The following CCDC144A variants were observed in gnomAD, a reference collection of about 807,000 sequenced individuals.
CCDC144A encodes the protein coiled-coil domain containing 144A, also known as coiled-coil domain-containing protein 144A.
A neutral mutation model predicts 143.8 loss-of-function variants in CCDC144A; 41 were observed. The ratio of observed to expected loss-of-function variants is 0.29; its 90% CI spans 0.22 to 0.37. The LOEUF is 0.37. CCDC144A is among the 10% of genes least tolerant of loss of function. CCDC144A has a pLI of 1.00. For synonymous variants in CCDC144A, 242 were observed against 517.9 expected, an observed-to-expected ratio of 0.47 and a Z score of 7.23; for missense variants, 637 against 1,488.8, an observed-to-expected ratio of 0.43 and a Z score of 9.41.
At chr17:16,679,086 GGC>G in the CCDC144A span, among the ~76,000 whole-genome samples, 1 of 126,782 alleles carries the variant, frequency 7.9e-6, no homozygotes, top group South Asian at 2.9e-4. Flanking sequence ...TTGTAGAGAT[GGC>G]GGGGGGGGGT....
At chr17:16,681,390 A>G in the CCDC144A span, among the ~76,000 whole-genome samples, 4 of 152,128 alleles carry the variant, frequency 2.6e-5, no homozygotes, top group Non-Finnish European at 5.9e-5. Context: ...TCAAAGAAAG[A>G]AAACTATTAA....
rs1916050217 is a variant in CCDC144A, at chr17:16,777,783, C to T, written c.*4150C>T. On this transcript the variant is annotated 3_prime_UTR_variant, in exon 17 of 17. Transcript: ENST00000399273. The stretch of plus-strand genomic sequence containing the variant: ...GTCTGAAAGAGCACAAATAAACAAT[C>T]TAAGGTCACACCTCACAGAATTGGA... 7.1e-6 allele frequency: 1 copy of T among 140,842 alleles called. No homozygotes were observed. The highest frequency in any genetic ancestry group is 1.5e-5 in the Non-Finnish European group (1 of 66,656). 8.7% of individuals were successfully genotyped at this position (140,842 alleles called of 1,614,324 possible). A position where few individuals can be genotyped will look rare whatever the true frequency, so the allele number is the denominator to read the frequency against.
intron 4 of CCDC144A, 76 bp from the exon 5 acceptor site, chr17:16,708,720 T>TA: frequency 6.3e-7 from 1 of 1,593,406 alleles, no homozygotes; most frequent in African/African-American, 1.3e-5. Flanking sequence ...AAGCTATTTT[T>TA]AAAACATGTA....
intron 8 of CCDC144A, among the ~76,000 whole-genome samples, chr17:16,726,147 G>A: frequency 6.6e-6 from 1 of 151,996 alleles, no homozygotes. Flanking sequence ...GGGAGGCCGA[G>A]GTGGGCGGAT....
At chr17:16,684,179 G>A in the CCDC144A span, 1 of 1,080,198 alleles carries the variant, frequency 9.3e-7, no homozygotes, top group East Asian at 2.4e-5. Context: ...GATCAACAAA[G>A]AGGACTTCGT....
chr17:16,769,081 A>ATTAGGCACTAATCCACAGAGTT (rs1915723476), intron 15 of CCDC144A, among the ~76,000 whole-genome samples: 1 of 152,074 alleles, frequency 6.6e-6, no homozygotes, highest in Non-Finnish European at 1.5e-5. Context: ...TTTATCCCAG[A>ATTAGGCACTAATCCACAGAGTT]TTAGGCACTA....
At chr17:16,677,058 G>A in the CCDC144A span, among the ~76,000 whole-genome samples, 1 of 152,020 alleles carries the variant, frequency 6.6e-6, no homozygotes, top group East Asian at 1.9e-4. Flanking sequence ...CGTCACATGT[G>A]GTCCGAGGTT....
At chr17:16,701,003 AT>A (rs1037224519) in intron 2 of CCDC144A, among the ~76,000 whole-genome samples, 55 of 151,840 alleles carry the variant, frequency 3.6e-4, no homozygotes, top group African/African-American at 1.3e-3. Context: ...ATTTTTGTGA[AT>A]TTTTTTTGCC....
intron 2 of CCDC144A, among the ~76,000 whole-genome samples, chr17:16,698,111 G>A (rs899771603): frequency 6.6e-6 from 1 of 152,080 alleles, no homozygotes; most frequent in Non-Finnish European, 1.5e-5. Context: ...AATAACTGAG[G>A]CAAAGTTGTA....
intron 12 of CCDC144A, among the ~76,000 whole-genome samples, chr17:16,747,562 G>A (rs1914594766): frequency 6.6e-6 from 1 of 150,858 alleles, no homozygotes; most frequent in Non-Finnish European, 1.5e-5. Flanking sequence ...GGAATGTTTT[G>A]CCATTTTTTT....
At chr17:16,703,527 G>A (rs188415335) in intron 2 of CCDC144A, among the ~76,000 whole-genome samples, 64 of 152,188 alleles carry the variant, frequency 4.2e-4, no homozygotes, top group African/African-American at 1.0e-3. Flanking sequence ...GCATGCGGCC[G>A]GGCGTGGTGG....
chr17:16,761,002 A>T (rs1567609377), intron 12 of CCDC144A, among the ~76,000 whole-genome samples: 2 of 147,810 alleles, frequency 1.4e-5, no homozygotes, highest in Admixed American at 6.8e-5. Context: ...CAGTATAGGT[A>T]ACATTTTATT....
intron 11 of CCDC144A, among the ~76,000 whole-genome samples, chr17:16,734,383 A>T (rs1913898212): frequency 6.6e-6 from 1 of 152,192 alleles, no homozygotes; most frequent in African/African-American, 2.4e-5. Context: ...TTTTTAATGT[A>T]GTCAAATTTA....
chr17:16,670,809 C>T, the CCDC144A span, among the ~76,000 whole-genome samples: 1 of 151,958 alleles, frequency 6.6e-6, no homozygotes, highest in Non-Finnish European at 1.5e-5. Flanking sequence ...ATCCCCCGCC[C>T]TCTATAATTT....
At chr17:16,734,227 G>A (rs1211852507) in intron 11 of CCDC144A, among the ~76,000 whole-genome samples, 1 of 151,134 alleles carries the variant, frequency 6.6e-6, no homozygotes, top group Non-Finnish European at 1.5e-5. Context: ...TGAGAAAAAT[G>A]TTAGAAAAAT....
chr17:16,682,916 T>TTTA, the CCDC144A span, among the ~76,000 whole-genome samples: 1 of 102,650 alleles, frequency 9.7e-6, no homozygotes, highest in Admixed American at 1.0e-4. Context: ...TTTTTTTTTT[T>TTTA]TTTGAGACAG....
At chr17:16,721,251 C>T (rs930677564) in intron 8 of CCDC144A, among the ~76,000 whole-genome samples, 12 of 151,990 alleles carry the variant, frequency 7.9e-5, no homozygotes, top group African/African-American at 2.9e-4. Flanking sequence ...CAATCGTGTG[C>T]ACATTTGAAA....
upstream of CCDC144A, among the ~76,000 whole-genome samples, chr17:16,687,674 T>G (rs1292109051): frequency 6.6e-6 from 1 of 152,186 alleles, no homozygotes; most frequent in African/African-American, 2.4e-5. Flanking sequence ...GGCCCATAGA[T>G]GCAGACCCAC....
intron 16 of CCDC144A, among the ~76,000 whole-genome samples, chr17:16,773,068 A>G (rs1915883249): frequency 1.3e-5 from 2 of 152,144 alleles, no homozygotes; most frequent in African/African-American, 2.4e-5. Context: ...CATTGTAGTC[A>G]TACATACTTT....
Sources: gnomAD v4.1 joint callset for allele counts (sites outside exome capture counted in the v4.1 genomes callset) on GRCh38, gnomAD v4.1.1 for gene constraint, MANE v1.5 for transcripts, NCBI Gene and HGNC (gene_info 2026-07-23, HGNC 2026-07-21) for gene names.